KEAP1: variants seen among roughly 807,000 people sequenced by gnomAD.
KEAP1 encodes kelch-like ECH-associated protein 1.
A neutral mutation model predicts 59.7 loss-of-function variants in KEAP1; 26 were observed. That is an observed-to-expected ratio of 0.44 (90% CI 0.32 to 0.60). The LOEUF (loss-of-function observed/expected upper bound fraction) is 0.60, where lower values mean the gene tolerates loss of function less well. KEAP1 is among the 20% of genes least tolerant of loss of function. KEAP1 has a pLI of 0.06. For missense variants in KEAP1, 539 were observed against 871.4 expected (o/e 0.62, Z 4.80); for synonymous variants, 350 against 358.3 (o/e 0.98, Z 0.26).
chr19:10,491,825 C>T lies in KEAP1; in HGVS notation c.1077G>A (p.Gln359=), dbSNP rs1217910034. 6.2e-7 allele frequency: 1 copy of T among 1,604,656 alleles called. No individual in the cohort carries two copies. Among genetic ancestry groups the T allele is most frequent in the East Asian group, 2.3e-5 (1 of 44,410 alleles). ...AGCCGGCCAGGCCGCTCCGCGGCAC[C>T]TGCAGGTCCGCCAACCGGAGCCAGG... ...DGTWLRLADL[Q]VPRSGLAGCV... The change falls in exon 3 of 6, where the codon CAG becomes CAA. Residue 359 remains glutamine, a synonymous_variant. Transcript: ENST00000171111. The surrounding 1 kb of genome is among the most constrained non-coding windows in gnomAD (Gnocchi z 5.2).
At chr19:10,490,158 G>A (rs1431634670) in intron 3 of KEAP1, among the ~76,000 whole-genome samples, 3 of 151,194 alleles carry the variant, frequency 2.0e-5, no homozygotes, top group Non-Finnish European at 2.9e-5. Context: ...AGGCTGAGGC[G>A]AGATAATCAC....
At chr19:10,497,986 C>T (rs1038774984) in intron 2 of KEAP1, among the ~76,000 whole-genome samples, 53 of 151,916 alleles carry the variant, frequency 3.5e-4, no homozygotes, top group Non-Finnish European at 5.4e-4. Flanking sequence ...CTGCAACCTC[C>T]GCCTCCCGGG....
chr19:10,495,108 C>G (rs754429367), intron 2 of KEAP1, among the ~76,000 whole-genome samples: 1 of 151,950 alleles, frequency 6.6e-6, no homozygotes, highest in Non-Finnish European at 1.5e-5. Context: ...ACTACAGGCA[C>G]GCACAACCAC....
At chr19:10,496,176 G>A (rs1481609574) in intron 2 of KEAP1, among the ~76,000 whole-genome samples, 1 of 135,830 alleles carries the variant, frequency 7.4e-6, no homozygotes, top group Non-Finnish European at 1.6e-5. Flanking sequence ...GTGACAGAGT[G>A]AGACCCTGTC....
rs368450352 is a variant in KEAP1, at chr19:10,499,767, C to T, written c.267G>A (p.Pro89=). The change falls in exon 2 of 6, where the codon CCG becomes CCA. Residue 89 remains proline (P), a synonymous_variant. Coordinates refer to ENST00000171111, the MANE Select transcript of KEAP1 (RefSeq NM_203500.2). The surrounding 1 kb of genome is among the most constrained non-coding windows in gnomAD (Gnocchi z 6.7). ...VTLQVKYQDA[P]AAQFMAHKVV... ...CCTTGTGGGCCATGAACTGGGCGGC[C>T]GGTGCATCCTGGTACTTGACCTGCA... The T allele has an allele frequency of 1.4e-5, 23 of 1,613,966 alleles. No individual in the cohort carries two copies. Among genetic ancestry groups the T allele is most frequent in the African/African-American group, 6.7e-5 (5 of 74,922 alleles).
intron 1 of KEAP1, among the ~76,000 whole-genome samples, chr19:10,500,773 G>A (rs945135727): frequency 1.3e-5 from 2 of 149,070 alleles, no homozygotes; most frequent in African/African-American, 2.5e-5. Context: ...TCCGCCTCCC[G>A]GGTTCAAGCG....
At chr19:10,492,588 C>T in intron 2 of KEAP1, 1 of 293,104 alleles carries the variant, frequency 3.4e-6, no homozygotes, top group Non-Finnish European at 6.6e-6. Flanking sequence ...TGTGGTGGCA[C>T]ACGCCTCTAG....
At chr19:10,495,651 T>C (rs928511446) in intron 2 of KEAP1, among the ~76,000 whole-genome samples, 6 of 151,972 alleles carry the variant, frequency 3.9e-5, no homozygotes, top group African/African-American at 1.2e-4. Context: ...TGAGCTGAGA[T>C]TGTGCCACTG....
intron 5 of KEAP1, among the ~76,000 whole-genome samples, chr19:10,488,128 C>CA (rs137927852): frequency 2.7e-5 from 4 of 148,662 alleles, no homozygotes; most frequent in Admixed American, 6.7e-5. Context: ...AACTCCATCT[C>CA]AAAAAAAAAT....
intron 2 of KEAP1, among the ~76,000 whole-genome samples, chr19:10,498,486 C>G (rs1914931945): frequency 6.6e-6 from 1 of 152,140 alleles, no homozygotes; most frequent in South Asian, 2.1e-4. Context: ...GGATTACAGG[C>G]GTGAGCCACT....
intron 2 of KEAP1, among the ~76,000 whole-genome samples, chr19:10,494,285 C>T (rs1045831504): frequency 2.0e-5 from 3 of 150,830 alleles, no homozygotes; most frequent in Non-Finnish European, 4.4e-5. Context: ...CCTACTTCAG[C>T]CTCCTGAGGA....
In KEAP1 at chr19:10,491,797, C is replaced by A. The variant is rs2144598978; in HGVS notation, c.1105G>T (p.Val369Leu). The A allele has an allele frequency of 6.3e-7, 1 of 1,590,526 alleles. No individual in the cohort carries two copies. Among genetic ancestry groups the A allele is most frequent in the Non-Finnish European group, 8.6e-7 (1 of 1,168,854 alleles). Residue 369 changes from valine to leucine, a missense_variant, in exon 3 of 6, where the codon GTG becomes TTG. Transcript: ENST00000171111. This position sits in a 1 kb window ranked among gnomAD's most constrained non-coding sequence, Gnocchi z 5.2. ...ACGGCGTACAACAGCCCGCCCACCA[C>A]GCAGCCGGCCAGGCCGCTCCGCGGC... ...QVPRSGLAGC[V>L]VGGLLYAVGG...
chr19:10,493,222 G>A (rs868179791), intron 2 of KEAP1, among the ~76,000 whole-genome samples: 3 of 150,644 alleles, frequency 2.0e-5, no homozygotes, highest in South Asian at 4.2e-4. Flanking sequence ...GCAGTGGAGC[G>A]ATCTCCGCTT....
At chr19:10,495,321 A>G (rs1347311830) in intron 2 of KEAP1, among the ~76,000 whole-genome samples, 1 of 152,116 alleles carries the variant, frequency 6.6e-6, no homozygotes, top group Non-Finnish European at 1.5e-5. Context: ...TTGTTTTTTA[A>G]AATGAAATCA....
chr19:10,489,429 C>T (rs1914592594), intron 4 of KEAP1, 61 bp from the exon 5 acceptor site: 2 of 1,529,864 alleles, frequency 1.3e-6, no homozygotes, highest in South Asian at 1.2e-5. Context: ...CCCCAGCCAT[C>T]ACCTCCTTGA....
chr19:10,497,319 G>C (rs992958517), intron 2 of KEAP1, among the ~76,000 whole-genome samples: 6 of 152,090 alleles, frequency 3.9e-5, no homozygotes, highest in African/African-American at 1.4e-4. Flanking sequence ...ATGTAACATA[G>C]AGGGTAGGAA....
At chr19:10,494,365 C>T in intron 2 of KEAP1, among the ~76,000 whole-genome samples, 1 of 138,032 alleles carries the variant, frequency 7.2e-6, no homozygotes, top group Admixed American at 7.7e-5. Context: ...GAGTCTCGCT[C>T]TGTCGCCCAG....
chr19:10,500,127 C>T (rs113744179), intron 1 of KEAP1, 47 bp from the exon 2 acceptor site: 11 of 1,331,170 alleles, frequency 8.3e-6, no homozygotes, highest in African/African-American at 7.4e-5. Flanking sequence ...TGGGACTGGG[C>T]CAGCACCTGC....
intron 5 of KEAP1, 108 bp from the exon 6 acceptor site, chr19:10,486,926 G>T: frequency 2.5e-6 from 3 of 1,184,236 alleles, no homozygotes; most frequent in Non-Finnish European, 3.5e-6. Context: ...GCCGGGCGTG[G>T]TGGCTCACGC....
Sources: gnomAD v4.1 joint callset for allele counts (sites outside exome capture counted in the v4.1 genomes callset) on GRCh38, gnomAD v4.1.1 for gene constraint, Gnocchi (gnomAD v3.1) non-coding constraint, MANE v1.5 for transcripts, NCBI Gene and HGNC (gene_info 2026-07-23, HGNC 2026-07-21) for gene names.